Variants in MLIP observed in about 807,000 individuals in gnomAD.
MLIP encodes the protein muscular LMNA interacting protein.
In MLIP, 79 loss-of-function variants were observed where a neutral mutation model predicts 84.8. The ratio of observed to expected loss-of-function variants is 0.93; its 90% CI spans 0.78 to 1.12. The LOEUF (loss-of-function observed/expected upper bound fraction) is 1.12. MLIP is among the 50% of genes most tolerant of loss of function. The pLI is 0.00. For missense variants in MLIP, 1,257 were observed against 1,160.6 expected (o/e 1.08, Z -1.21); for synonymous variants, 504 against 463.0 (o/e 1.09, Z -1.14).
At chr6:54,167,781 T>A (rs1775345038) in intron 8 of MLIP, among the ~76,000 whole-genome samples, 1 of 151,886 alleles carries the variant, frequency 6.6e-6, no homozygotes, top group Admixed American at 6.6e-5. Context: ...TCTGAGATTA[T>A]TTTTTCTAGA....
At chr6:54,172,846 T>C (rs1175058964) in intron 9 of MLIP, among the ~76,000 whole-genome samples, 1 of 151,716 alleles carries the variant, frequency 6.6e-6, no homozygotes, top group Non-Finnish European at 1.5e-5. Flanking sequence ...GCAACACTAA[T>C]TCAGACTAAT....
intron 3 of MLIP, among the ~76,000 whole-genome samples, chr6:54,125,285 A>T (rs1297462877): frequency 6.6e-6 from 1 of 152,234 alleles, no homozygotes; most frequent in Non-Finnish European, 1.5e-5. Flanking sequence ...CATTAGAGGT[A>T]GACCCATTGA....
intron 12 of MLIP, among the ~76,000 whole-genome samples, chr6:54,254,748 CTTCCTTCCTTCCTTCCT>C: frequency 7.0e-6 from 1 of 143,848 alleles, no homozygotes; most frequent in Non-Finnish European, 1.5e-5. Context: ...CCCTCCCTTC[CTTCCTTCCTTCCTTCCT>C]TCCCTTCCTC....
At chr6:54,083,650 G>T (rs961674808) in intron 1 of MLIP, 38 of 1,533,676 alleles carry the variant, frequency 2.5e-5, no homozygotes, top group Non-Finnish European at 3.0e-5. Flanking sequence ...ACAATTCCTT[G>T]ATACTGTCAC....
chr6:54,249,779 G>A (rs1417886497), intron 12 of MLIP, among the ~76,000 whole-genome samples: 2 of 151,166 alleles, frequency 1.3e-5, no homozygotes, highest in Non-Finnish European at 1.5e-5. Context: ...ATGTATACAC[G>A]TGTGTGTATA....
intron 3 of MLIP, 21 bp from the exon 4 acceptor site, chr6:54,136,690 ATCTG>A (rs754072119): frequency 2.5e-5 from 36 of 1,426,910 alleles, no homozygotes; most frequent in Admixed American, 2.4e-4. Flanking sequence ...TCCTATTTCA[ATCTG>A]TCTATTTCTC....
At chr6:54,058,095 T>C (rs887792366) in intron 1 of MLIP, 1 of 152,040 alleles carries the variant, frequency 6.6e-6, no homozygotes, top group Non-Finnish European at 1.5e-5. Context: ...ATATACTCTG[T>C]ATTTTGTGTA....
chr6:54,109,496 A>G (rs1582161138), upstream of MLIP, among the ~76,000 whole-genome samples: 1 of 152,142 alleles, frequency 6.6e-6, no homozygotes, highest in Non-Finnish European at 1.5e-5. Context: ...ATGTGGCTCC[A>G]GGGTCCTGTG....
At chr6:54,204,611 AT>A (rs2150722523) in intron 11 of MLIP, among the ~76,000 whole-genome samples, 1 of 152,352 alleles carries the variant, frequency 6.6e-6, no homozygotes, top group South Asian at 2.1e-4. Context: ...CTTGTAGAGT[AT>A]TGAGTTAATC....
rs965569493 is a variant in MLIP at position 54,266,122 on chromosome 6, C to T, written c.*167C>T. The T allele has an allele frequency of 1.5e-6, 1 of 645,348 alleles. No individual in the cohort carries two copies. Among genetic ancestry groups the T allele is most frequent in the Non-Finnish European group, 2.8e-6 (1 of 362,730 alleles). The allele number at this position is 645,348 out of a possible 1,614,324, so 40.0% of individuals were successfully genotyped here. On this transcript the variant is annotated 3_prime_UTR_variant, in exon 14 of 14. Coordinates refer to ENST00000502396, the MANE Select transcript of MLIP (RefSeq NM_001281747.2). ...AGTTTGCTGCAATTATATAGCATCA[C>T]AGTGCTCTGCTAACAGCCAGCATAG... is the stretch of plus-strand genomic sequence containing the variant.
Position 54,123,536 on chromosome 6 carries a change from A to T in MLIP, c.253-937A>T, listed in dbSNP as rs186140138. 1.7e-3 allele frequency among the ~76,000 whole-genome samples: 262 copies of T among 152,336 alleles called. 2 individuals are homozygous for T. The highest frequency in any genetic ancestry group is 6.0e-3 in the African/African-American group (249 of 41,580). On this transcript the variant is annotated intron_variant, in intron 2 of 13. Coordinates refer to ENST00000502396, the MANE Select transcript of MLIP (RefSeq NM_001281747.2). Reference sequence around the variant, plus strand: ...TAAAATCAACTTTTTAGTTATATTTAATCAGTGATTTGACTTCTGTCTTCA... The same window carrying T: ...TAAAATCAACTTTTTAGTTATATTTTATCAGTGATTTGACTTCTGTCTTCA...
intron 8 of MLIP, among the ~76,000 whole-genome samples, chr6:54,168,853 CTTTTTT>C (rs3996971): frequency 0.12 from 14,343 of 118,790 alleles, 741 homozygotes; most frequent in Non-Finnish European, 0.17. Context: ...GGGTTGAGGT[CTTTTTT>C]TTTTTTTTTT....
At chr6:54,193,831 T>C (rs1373333694) in intron 10 of MLIP, among the ~76,000 whole-genome samples, 1 of 152,176 alleles carries the variant, frequency 6.6e-6, no homozygotes, top group Non-Finnish European at 1.5e-5. Context: ...CTTTCCTAGC[T>C]GTTGAGCTGA....
chr6:54,193,637 T>G (rs143069563), intron 10 of MLIP, among the ~76,000 whole-genome samples: 49 of 152,292 alleles, frequency 3.2e-4, no homozygotes, highest in Middle Eastern at 3.4e-3. Flanking sequence ...GGGTACCTCC[T>G]GTGTCTGACT....
chr6:54,254,555 G>C (rs1341068072), intron 12 of MLIP, among the ~76,000 whole-genome samples: 2 of 151,960 alleles, frequency 1.3e-5, no homozygotes, highest in African/African-American at 4.8e-5. Flanking sequence ...GTTGGCAGAG[G>C]TTTTAGCATT....
At chr6:54,205,890 T>G (rs1779004172) in intron 11 of MLIP, among the ~76,000 whole-genome samples, 1 of 152,186 alleles carries the variant, frequency 6.6e-6, no homozygotes, top group Non-Finnish European at 1.5e-5. Context: ...TTGTGCCAAT[T>G]TGTGGTGCTT....
rs9357790 is a variant in MLIP at position 54,104,092 on chromosome 6, C to T, written c.64-17355C>T. On this transcript the variant is annotated intron_variant, in intron 1 of 12. Transcript: ENST00000274897. ...TTATCTTGGTCAAAACTGAGTAATA[C>T]AGGTAAATTTTTTTTTCAGCCGAAT... Among the ~76,000 whole-genome samples the T allele has an allele frequency of 5.9e-4, 90 of 152,124 alleles. No individual in the cohort carries two copies. The East Asian group carries it at 7.7e-3, about 13-fold the overall frequency.
At chr6:54,228,122 G>A (rs1446886815) in intron 11 of MLIP, among the ~76,000 whole-genome samples, 5 of 138,648 alleles carry the variant, frequency 3.6e-5, no homozygotes, top group Non-Finnish European at 3.1e-5. Context: ...GGCGGAGCTT[G>A]CAGTGAGCCG....
At chr6:54,026,694 A>C (rs916106232) in intron 1 of MLIP, among the ~76,000 whole-genome samples, 2 of 142,962 alleles carry the variant, frequency 1.4e-5, no homozygotes, top group South Asian at 2.5e-4. Context: ...TGAAAATCTA[A>C]ATGAAGAACC....
Sources: allele counts gnomAD v4.1 joint callset (sites outside exome capture counted in the v4.1 genomes callset), GRCh38; gene constraint gnomAD v4.1.1; transcripts MANE v1.5; gene names NCBI Gene and HGNC (gene_info 2026-07-23, HGNC 2026-07-21).